The following PPP1R12B variants were observed in gnomAD, a reference collection of about 807,000 sequenced individuals.
PPP1R12B encodes protein phosphatase 1 regulatory subunit 12B, also known as myosin phosphatase target subunit 2.
A neutral mutation model predicts 126.1 loss-of-function variants in PPP1R12B; 76 were observed. The ratio of observed to expected loss-of-function variants is 0.60; its 90% CI spans 0.50 to 0.73. PPP1R12B has a LOEUF of 0.73. PPP1R12B is among the 30% of genes least tolerant of loss of function. The probability of loss-of-function intolerance (pLI) is 0.00; values close to 1 mark genes in which losing one functional copy is unlikely to be tolerated. For missense variants in PPP1R12B, 1,052 were observed against 1,205.1 expected (o/e 0.87, Z 1.88); for synonymous variants, 356 against 434.7 (o/e 0.82, Z 2.25).
Position 202,585,076 on chromosome 1 carries a change from A to T in PPP1R12B, c.*4516A>T, listed in dbSNP as rs1236045647. The T allele has an allele frequency of 2.0e-5, 3 of 152,362 alleles. No individual in the cohort carries two copies. The highest frequency in any genetic ancestry group is 7.2e-5 in the African/African-American group (3 of 41,432). 9.4% of individuals were successfully genotyped at this position (152,362 alleles called of 1,614,324 possible). On this transcript the variant is annotated 3_prime_UTR_variant, in exon 24 of 24. Coordinates refer to ENST00000608999, the MANE Select transcript of PPP1R12B (RefSeq NM_002481.4). ...CAGTGGTGTGATCTCAGCTCACTGC[A>T]ACCTCCACCTCCCAGGCTCAAGGGA...
intron 13 of PPP1R12B, among the ~76,000 whole-genome samples, chr1:202,453,801 T>C (rs1468012722): frequency 6.6e-6 from 1 of 152,120 alleles, no homozygotes; most frequent in East Asian, 1.9e-4. Context: ...TCCTGTCCTT[T>C]CTTTTTTCTT....
chr1:202,386,082 C>T (rs191831742), intron 1 of PPP1R12B, among the ~76,000 whole-genome samples: 212 of 151,696 alleles, frequency 1.4e-3, no homozygotes, highest in African/African-American at 4.9e-3. Context: ...TACAGGCGCC[C>T]GCCACCATGC....
At chr1:202,423,954 G>A (rs1669151582) in intron 3 of PPP1R12B, among the ~76,000 whole-genome samples, 1 of 152,064 alleles carries the variant, frequency 6.6e-6, no homozygotes, top group Non-Finnish European at 1.5e-5. Context: ...CAAAGTGCCG[G>A]GATTAAAGGT....
At chr1:202,400,385 C>G (rs2148558352) in intron 1 of PPP1R12B, among the ~76,000 whole-genome samples, 1 of 152,220 alleles carries the variant, frequency 6.6e-6, no homozygotes, top group Middle Eastern at 3.4e-3. Context: ...TTTGACCTAT[C>G]AAAGATAACT....
Position 202,580,997 on chromosome 1 carries a change from G to T in PPP1R12B, c.*437G>T, listed in dbSNP as rs1388995340. Reference sequence around the variant, plus strand: ...GTGAGTCTTGTGGTAGCCACTCCAGGATCCTGATTGGGGTGCCAAGAGAAA... The same window carrying T: ...GTGAGTCTTGTGGTAGCCACTCCAGTATCCTGATTGGGGTGCCAAGAGAAA... On this transcript the variant is annotated 3_prime_UTR_variant, in exon 24 of 24. Coordinates refer to ENST00000608999, the MANE Select transcript of PPP1R12B (RefSeq NM_002481.4). 6.2e-6 allele frequency: 1 copy of T among 162,342 alleles called. No individual in the cohort carries two copies. The highest frequency in any genetic ancestry group is 1.4e-5 in the Non-Finnish European group (1 of 73,134). 10.1% of individuals were successfully genotyped at this position (162,342 alleles called of 1,614,324 possible). A position where few individuals can be genotyped will look rare whatever the true frequency, so the allele number is the denominator to read the frequency against.
intron 1 of PPP1R12B, among the ~76,000 whole-genome samples, chr1:202,385,990 G>A (rs1311401568): frequency 6.6e-6 from 1 of 151,380 alleles, no homozygotes; most frequent in Non-Finnish European, 1.5e-5. Context: ...CTGGAGTGCA[G>A]TGGCACGATC....
intron 1 of PPP1R12B, among the ~76,000 whole-genome samples, chr1:202,400,570 C>T (rs1268550689): frequency 2.0e-5 from 3 of 152,138 alleles, no homozygotes; most frequent in Non-Finnish European, 4.4e-5. Flanking sequence ...GCAGAGGAAA[C>T]AGCATGTGTA....
rs113896659 is a variant in PPP1R12B, at chr1:202,441,618, A to C, written c.1542-829A>C. 4.1e-3 allele frequency among the ~76,000 whole-genome samples: 624 copies of C among 152,336 alleles called. 6 individuals carry two copies. The highest frequency in any genetic ancestry group is 0.015 in the African/African-American group (604 of 41,580). On this transcript the variant is annotated intron_variant, in intron 11 of 23. Coordinates refer to ENST00000608999, the MANE Select transcript of PPP1R12B (RefSeq NM_002481.4). The stretch of plus-strand genomic sequence containing the variant: ...AGAACCTTGTGAAGCATGGAAACCC[A>C]TAGGTTTTGCAACAAAGACCCTGAG...
Position 202,366,499 on chromosome 1 carries a change from CAG to C in PPP1R12B, c.291+17360_291+17361del, listed in dbSNP as rs527716118. ...CACCACTGCACTCCAGCCTGGGAGA[CAG>C]AGCGAGACTCCATCTCAAAAAAAAA... On this transcript the variant is annotated intron_variant, in intron 1 of 23. Transcript: ENST00000608999. Among the ~76,000 whole-genome samples the C allele has an allele frequency of 5.9e-3, 651 of 110,826 alleles. 9 individuals carry two copies. The highest frequency in any genetic ancestry group is 0.021 in the African/African-American group (591 of 27,502). 72.7% of individuals were successfully genotyped at this position (110,826 alleles called of 152,430 possible). A position where few individuals can be genotyped will look rare whatever the true frequency, so the allele number is the denominator to read the frequency against.
At chr1:202,376,584 T>G (rs1197896118) in intron 1 of PPP1R12B, among the ~76,000 whole-genome samples, 1 of 152,204 alleles carries the variant, frequency 6.6e-6, no homozygotes, top group Non-Finnish European at 1.5e-5. Flanking sequence ...GTTTAGGGAT[T>G]GGTATGAAAA....
intron 18 of PPP1R12B, among the ~76,000 whole-genome samples, chr1:202,537,576 A>G (rs1026182235): frequency 6.6e-6 from 1 of 152,240 alleles, no homozygotes; most frequent in Non-Finnish European, 1.5e-5. Flanking sequence ...CATTGTTACT[A>G]CTTCCTAGAA....
In PPP1R12B at chr1:202,584,659, A is replaced by G. The variant is rs1214573298; in HGVS notation, c.*4099A>G. On this transcript the variant is annotated 3_prime_UTR_variant, in exon 24 of 24. Coordinates refer to ENST00000608999, the MANE Select transcript of PPP1R12B (RefSeq NM_002481.4). ...GAGTGTCGGCACCCTTGAGGTGGGC[A>G]TGGAGTGAGCAGAAGAAGCCTGGAG... 6.6e-6 allele frequency: 1 copy of G among 152,260 alleles called. No individual in the cohort carries two copies. Among genetic ancestry groups the G allele is most frequent in the East Asian group, 1.9e-4 (1 of 5,198 alleles). The allele number at this position is 152,260 out of a possible 1,614,324, so 9.4% of individuals were successfully genotyped here.
Position 202,580,664 on chromosome 1 carries a change from G to C in PPP1R12B, c.*104G>C. 3.2e-6 allele frequency: 3 copies of C among 926,322 alleles called. No individual in the cohort carries two copies. Among genetic ancestry groups the C allele is most frequent in the Non-Finnish European group, 5.2e-6 (3 of 574,628 alleles). 57.4% of individuals were successfully genotyped at this position (926,322 alleles called of 1,614,324 possible). The stretch of plus-strand genomic sequence containing the variant: ...ACCAAAAGAAATGGATGTTTTGGTG[G>C]AAGGACACTTCTTTCTATCACCCTC... On this transcript the variant is annotated 3_prime_UTR_variant, in exon 24 of 24. Coordinates refer to ENST00000608999, the MANE Select transcript of PPP1R12B (RefSeq NM_002481.4).
chr1:202,490,942 A>C (rs75378836), intron 14 of PPP1R12B, among the ~76,000 whole-genome samples: 1 of 152,166 alleles, frequency 6.6e-6, no homozygotes, highest in East Asian at 1.9e-4. Flanking sequence ...TATCTCCCTG[A>C]AACCCTGCTT....
intron 1 of PPP1R12B, among the ~76,000 whole-genome samples, chr1:202,350,487 T>C (rs1655733213): frequency 6.6e-6 from 1 of 152,242 alleles, no homozygotes; most frequent in South Asian, 2.1e-4. Context: ...TTCAGACTTA[T>C]GTCACAGAGA....
chr1:202,550,326 G>A lies in PPP1R12B; in HGVS notation c.2491-8551G>A, dbSNP rs577049009. ...TGACATTTACCATATGAAAAAACCC[G>A]TCTCTTCCCAGGCTTCATGGAAAGC... On this transcript the variant is annotated intron_variant, in intron 18 of 23. Transcript: ENST00000608999. Among the ~76,000 whole-genome samples, 11 of 152,228 alleles carry A rather than the reference G, an allele frequency of 7.2e-5. No homozygotes were observed. In the South Asian group the frequency reaches 1.5e-3, roughly 20 times the overall value.
chr1:202,446,950 G>C (rs1672372590), intron 12 of PPP1R12B, among the ~76,000 whole-genome samples: 1 of 152,032 alleles, frequency 6.6e-6, no homozygotes, highest in South Asian at 2.1e-4. Context: ...TAGCTATCAT[G>C]GCTGTACTCT....
Position 202,585,907 on chromosome 1 carries a change from A to G in PPP1R12B, c.*5347A>G, listed in dbSNP as rs1036431089. ...TGCTGCTTCATAGGTTTCCTCAACC[A>G]CCTTTCCTCAGCTTTCTTAAAATGG... On this transcript the variant is annotated 3_prime_UTR_variant, in exon 24 of 24. Transcript: ENST00000608999. 1 of 152,206 alleles carries G rather than the reference A, an allele frequency of 6.6e-6. No individual in the cohort carries two copies. The highest frequency in any genetic ancestry group is 6.5e-5 in the Admixed American group (1 of 15,274). The allele number at this position is 152,206 out of a possible 1,614,324, so 9.4% of individuals were successfully genotyped here. A position where few individuals can be genotyped will look rare whatever the true frequency, so the allele number is the denominator to read the frequency against.
At position 202,525,887 on chromosome 1, in the gene PPP1R12B, C is replaced by T. The variant is rs539258970; in HGVS notation, c.2490+29065C>T. ...TAATATTTTGTAGTTTTAGTAGAGACGGGCTTTCGCCATGTTGACCAGGCT... is the reference window on the plus strand; with the variant it reads ...TAATATTTTGTAGTTTTAGTAGAGATGGGCTTTCGCCATGTTGACCAGGCT... On this transcript the variant is annotated intron_variant, in intron 18 of 23. Coordinates refer to ENST00000608999, the MANE Select transcript of PPP1R12B (RefSeq NM_002481.4). Among the ~76,000 whole-genome samples, 4 of 152,292 alleles carry T rather than the reference C, an allele frequency of 2.6e-5. No homozygotes were observed. In the East Asian group the frequency reaches 7.7e-4, roughly 29 times the overall value.
Sources: gnomAD v4.1 joint callset for allele counts (sites outside exome capture counted in the v4.1 genomes callset) on GRCh38, gnomAD v4.1.1 for gene constraint, MANE v1.5 for transcripts, NCBI Gene and HGNC (gene_info 2026-07-23, HGNC 2026-07-21) for gene names.